KCNH8: variants seen among roughly 807,000 people sequenced by gnomAD.
The protein encoded by KCNH8 is voltage-gated delayed rectifier potassium channel KCNH8.
KCNH8 carries 70 observed loss-of-function variants against 103.6 expected under a neutral mutation model. The ratio of observed to expected loss-of-function variants is 0.68; its 90% CI spans 0.56 to 0.82. The LOEUF (loss-of-function observed/expected upper bound fraction) is 0.82, where lower values mean the gene tolerates loss of function less well. KCNH8 is among the 40% of genes least tolerant of loss of function. The probability of loss-of-function intolerance (pLI) is 0.00; values close to 1 mark genes in which losing one functional copy is unlikely to be tolerated. For synonymous variants in KCNH8, 498 were observed against 489.4 expected (o/e 1.02, Z -0.23); for missense variants, 1,217 against 1,329.9 (o/e 0.92, Z 1.32).
chr3:19,451,359 G>A lies in KCNH8; in HGVS notation c.1780G>A (p.Gly594Ser), dbSNP rs779577359. Residue 594 changes from glycine to serine, a missense_variant, in exon 10 of 16, where the codon GGC becomes AGC. By Grantham distance (56) the Gly-to-Ser change is moderately conservative (BLOSUM62 0). This residue lies in a region of KCNH8 where 415 missense variants were observed against 577.4 expected (regional missense o/e 0.72). Coordinates refer to ENST00000328405, the MANE Select transcript of KCNH8 (RefSeq NM_144633.3). ...ALQAIYFVCS[G>S]SMEVLKDSMV... ...GCAGGCCATCTACTTTGTATGCTCG[G>A]GCTCCATGGAAGTTCTTAAAGACAG... 1 of 1,613,696 alleles carries A rather than the reference G, an allele frequency of 6.2e-7. No homozygotes were observed. The highest frequency in any genetic ancestry group is 8.5e-7 in the Non-Finnish European group (1 of 1,179,794).
intron 5 of KCNH8, among the ~76,000 whole-genome samples, chr3:19,352,551 A>G (rs1169052877): frequency 2.6e-5 from 4 of 152,234 alleles, no homozygotes; most frequent in Admixed American, 2.0e-4. Flanking sequence ...CCACAGTGCA[A>G]TCAAACTAGA....
intron 1 of KCNH8, among the ~76,000 whole-genome samples, chr3:19,224,298 T>A (rs1414267459): frequency 6.6e-6 from 1 of 152,140 alleles, no homozygotes; most frequent in East Asian, 1.9e-4. Flanking sequence ...TTTCAATTAT[T>A]ATGTTTTTGG....
At chr3:19,512,483 A>G (rs2068799289) in intron 12 of KCNH8, among the ~76,000 whole-genome samples, 1 of 152,214 alleles carries the variant, frequency 6.6e-6, no homozygotes, top group South Asian at 2.1e-4. Context: ...CCAAAATAGG[A>G]AAGCTTTTTA....
chr3:19,441,223 C>T (rs1266129372), intron 8 of KCNH8, among the ~76,000 whole-genome samples: 2 of 152,188 alleles, frequency 1.3e-5, no homozygotes, highest in African/African-American at 2.4e-5. Flanking sequence ...CCCTGACACT[C>T]CACACAGCTC....
At chr3:19,239,317 C>T (rs1036633750) in intron 1 of KCNH8, among the ~76,000 whole-genome samples, 1 of 152,058 alleles carries the variant, frequency 6.6e-6, no homozygotes, top group African/African-American at 2.4e-5. Flanking sequence ...GTCCTGGACA[C>T]CACAATCACA....
chr3:19,167,942 C>G (rs915001573), intron 1 of KCNH8, among the ~76,000 whole-genome samples: 3 of 151,482 alleles, frequency 2.0e-5, no homozygotes, highest in Non-Finnish European at 2.9e-5. Context: ...GTGGAGCAAC[C>G]GCCAAGGTCA....
chr3:19,404,864 A>C (rs1358659180), intron 7 of KCNH8, among the ~76,000 whole-genome samples: 1 of 151,842 alleles, frequency 6.6e-6, no homozygotes, highest in Non-Finnish European at 1.5e-5. Flanking sequence ...AATCATGCTT[A>C]ATTATGCATA....
intron 3 of KCNH8, among the ~76,000 whole-genome samples, chr3:19,319,526 G>A (rs2065321806): frequency 1.3e-5 from 2 of 151,936 alleles, no homozygotes; most frequent in Non-Finnish European, 2.9e-5. Flanking sequence ...TGGTCTATAT[G>A]CCTATTTTTA....
At chr3:19,287,986 C>T (rs2064857242) in intron 3 of KCNH8, among the ~76,000 whole-genome samples, 1 of 152,024 alleles carries the variant, frequency 6.6e-6, no homozygotes, top group South Asian at 2.1e-4. Context: ...CTTCTTTCTC[C>T]TTACCCAGGA....
chr3:19,148,558 C>A lies in KCNH8; in HGVS notation c.-162C>A. The A allele has an allele frequency of 1.5e-6, 1 of 685,054 alleles. No individual in the cohort carries two copies. The highest frequency in any genetic ancestry group is 2.6e-6 in the Non-Finnish European group (1 of 383,704). 42.4% of individuals were successfully genotyped at this position (685,054 alleles called of 1,614,324 possible). A position where few individuals can be genotyped will look rare whatever the true frequency, so the allele number is the denominator to read the frequency against. On this transcript the variant is annotated 5_prime_UTR_variant, in exon 1 of 16. Transcript: ENST00000328405. Reference sequence around the variant, plus strand: ...AGCCGGGGCGGCTGGAACTCTCTCCCTTTCTCCCTCCATCCTTCCACTTCC... The same window carrying A: ...AGCCGGGGCGGCTGGAACTCTCTCCATTTCTCCCTCCATCCTTCCACTTCC...
intron 3 of KCNH8, among the ~76,000 whole-genome samples, chr3:19,307,405 C>G (rs1162329393): frequency 6.6e-6 from 1 of 151,674 alleles, no homozygotes; most frequent in African/African-American, 2.4e-5. Flanking sequence ...AAAAGCAAAG[C>G]TGTGGAGAAA....
rs2125222371 is a variant in KCNH8, at chr3:19,489,146, T to TGTCTATG, written c.2041-21216_2041-21210dup. Among the ~76,000 whole-genome samples, 3 of 152,254 alleles carry TGTCTATG rather than the reference T, an allele frequency of 2.0e-5. No individual in the cohort carries two copies. In the South Asian group the frequency reaches 6.2e-4, roughly 32 times the overall value. On this transcript the variant is annotated intron_variant, in intron 11 of 15. Transcript: ENST00000328405. ...TCTCCTTCAGCTTTACTTCCTCTTT[T>TGTCTATG]GTCTATGCTGGGTGGTCTAGGAGTG...
At chr3:19,207,413 G>A (rs2063728375) in intron 1 of KCNH8, among the ~76,000 whole-genome samples, 1 of 151,880 alleles carries the variant, frequency 6.6e-6, no homozygotes, top group South Asian at 2.1e-4. Context: ...ATGAATGAAA[G>A]AATCAATAAA....
At chr3:19,298,697 C>T (rs921576682) in intron 3 of KCNH8, among the ~76,000 whole-genome samples, 5 of 151,612 alleles carry the variant, frequency 3.3e-5, no homozygotes, top group Admixed American at 2.0e-4. Flanking sequence ...CCGAGGCGGG[C>T]GGATCACGAG....
At position 19,217,768 on chromosome 3, in the gene KCNH8, C is replaced by T. The variant is rs536243702; in HGVS notation, c.77-35886C>T. On this transcript the variant is annotated intron_variant, in intron 1 of 15. Coordinates refer to ENST00000328405, the MANE Select transcript of KCNH8 (RefSeq NM_144633.3). ...GACCAATCTAGCCCATTTGTACGGT[C>T]GCAGCTTTTGAATAACTGGATTTGG... 2.3e-3 allele frequency among the ~76,000 whole-genome samples: 350 copies of T among 152,216 alleles called. 6 individuals carry two copies. Among genetic ancestry groups the T allele is most frequent in the East Asian group, 9.7e-4 (5 of 5,172 alleles).
chr3:19,533,825 A>C lies in KCNH8; in HGVS notation c.3050A>C (p.Asp1017Ala), dbSNP rs768137263. The stretch of plus-strand genomic sequence containing the variant: ...TTAAGGTGCATCTCTCCACATTCAG[A>C]TTCTACGTTGACGCCTCTGCAGTCC... ...QFLRCISPHS[D>A]STLTPLQSIS... The change falls in exon 16 of 16, where the codon GAT becomes GCT. Residue 1017 changes from aspartate (D) to alanine (A), a missense_variant. Coordinates refer to ENST00000328405, the MANE Select transcript of KCNH8 (RefSeq NM_144633.3). The C allele has an allele frequency of 1.9e-6, 3 of 1,614,056 alleles. No homozygotes were observed. The African/African-American group carries it at 4.0e-5, about 22-fold the overall frequency.
intron 11 of KCNH8, among the ~76,000 whole-genome samples, chr3:19,483,008 G>A (rs2068119899): frequency 6.6e-6 from 1 of 151,852 alleles, no homozygotes; most frequent in African/African-American, 2.4e-5. Context: ...GCAGGCCTAT[G>A]ATATTGTATG....
At chr3:19,491,355 T>A (rs1186907525) in intron 11 of KCNH8, among the ~76,000 whole-genome samples, 1 of 152,106 alleles carries the variant, frequency 6.6e-6, no homozygotes, top group African/African-American at 2.4e-5. Flanking sequence ...CAGTCCCCAG[T>A]GTTTATTATT....
chr3:19,216,073 T>C (rs1204030530), intron 1 of KCNH8, among the ~76,000 whole-genome samples: 2 of 152,252 alleles, frequency 1.3e-5, no homozygotes, highest in Non-Finnish European at 2.9e-5. Flanking sequence ...CTAGTTCCTC[T>C]GGTAATTTGA....
Sources: allele counts gnomAD v4.1 joint callset (sites outside exome capture counted in the v4.1 genomes callset), GRCh38; gene constraint gnomAD v4.1.1; regional missense constraint gnomAD v4.1.1; transcripts MANE v1.5; gene names NCBI Gene and HGNC (gene_info 2026-07-23, HGNC 2026-07-21).